Variants in AKAP6 observed in about 807,000 individuals in gnomAD.
AKAP6 encodes A-kinase anchoring protein 6.
AKAP6 carries 58 observed loss-of-function variants against 188.5 expected under a neutral mutation model. The observed-to-expected ratio is 0.31, with a 90% CI of 0.25 to 0.38. The LOEUF (loss-of-function observed/expected upper bound fraction) is 0.38. AKAP6 is among the 10% of genes least tolerant of loss of function. The pLI, the probability that AKAP6 is intolerant of heterozygous loss-of-function variation, is 1.00. For synonymous variants in AKAP6, 989 were observed against 998.6 expected (o/e 0.99, Z 0.18); for missense variants, 2,710 against 2,740.0 (o/e 0.99, Z 0.24).
intron 7 of AKAP6, among the ~76,000 whole-genome samples, chr14:32,614,562 C>G (rs1439703973): frequency 1.3e-5 from 2 of 152,140 alleles, no homozygotes; most frequent in African/African-American, 2.4e-5. Context: ...GGATGTTGCA[C>G]TAATGATACA....
chr14:32,618,249 G>T (rs1886665556), intron 7 of AKAP6, among the ~76,000 whole-genome samples: 1 of 152,128 alleles, frequency 6.6e-6, no homozygotes, highest in Non-Finnish European at 1.5e-5. Flanking sequence ...TTACACGGAT[G>T]AATTGTATAG....
chr14:32,453,082 T>G (rs1308905708), intron 2 of AKAP6, among the ~76,000 whole-genome samples: 1 of 152,202 alleles, frequency 6.6e-6, no homozygotes, highest in Admixed American at 6.5e-5. Context: ...AAGAGAATCC[T>G]AGCTTCAGAA....
At chr14:32,366,042 G>A (rs373347252) in intron 1 of AKAP6, among the ~76,000 whole-genome samples, 5 of 151,764 alleles carry the variant, frequency 3.3e-5, no homozygotes, top group East Asian at 1.9e-4. Context: ...CCCTCTCATC[G>A]TCTCTCCCAC....
chr14:32,378,398 A>C (rs1888228751), intron 1 of AKAP6, among the ~76,000 whole-genome samples: 1 of 152,226 alleles, frequency 6.6e-6, no homozygotes, highest in South Asian at 2.1e-4. Flanking sequence ...CAAAATTTCC[A>C]TCTCCATCCC....
At chr14:32,650,413 T>G (rs1041515159) in intron 7 of AKAP6, among the ~76,000 whole-genome samples, 8 of 151,950 alleles carry the variant, frequency 5.3e-5, no homozygotes, top group Non-Finnish European at 1.2e-4. Flanking sequence ...AGGAGTTCAA[T>G]ACCAGCCTGA....
intron 2 of AKAP6, among the ~76,000 whole-genome samples, chr14:32,529,962 ACTT>A (rs1882324078): frequency 8.4e-6 from 1 of 118,848 alleles, no homozygotes; most frequent in Admixed American, 9.3e-5. Context: ...GGGTAAAGAA[ACTT>A]TTTTTTTTTT....
At chr14:32,604,705 C>A (rs1011879561) in intron 7 of AKAP6, among the ~76,000 whole-genome samples, 2 of 152,118 alleles carry the variant, frequency 1.3e-5, no homozygotes, top group Non-Finnish European at 2.9e-5. Context: ...ATGATAATAT[C>A]TGCCTCAAAG....
intron 2 of AKAP6, among the ~76,000 whole-genome samples, chr14:32,490,706 T>C (rs1272845130): frequency 1.3e-5 from 2 of 152,174 alleles, no homozygotes; most frequent in African/African-American, 4.8e-5. Flanking sequence ...GGCTTATACA[T>C]CTGCAAAGAC....
intron 7 of AKAP6, among the ~76,000 whole-genome samples, chr14:32,652,702 C>T (rs1888281982): frequency 6.6e-6 from 1 of 152,162 alleles, no homozygotes; most frequent in South Asian, 2.1e-4. Context: ...GCTTGCTCAC[C>T]TTTCTCCTGA....
chr14:32,763,697 A>AT (rs1307034643), intron 11 of AKAP6, among the ~76,000 whole-genome samples: 1 of 152,068 alleles, frequency 6.6e-6, no homozygotes, highest in South Asian at 2.1e-4. Context: ...TAATCATGTC[A>AT]TTTTTCAATT....
chr14:32,584,497 G>C (rs1329782399), intron 5 of AKAP6, among the ~76,000 whole-genome samples: 1 of 152,142 alleles, frequency 6.6e-6, no homozygotes, highest in African/African-American at 2.4e-5. Context: ...ATGCATAAAG[G>C]GGACTACTGT....
At chr14:32,468,960 T>G (rs1407274921) in intron 2 of AKAP6, among the ~76,000 whole-genome samples, 1 of 152,198 alleles carries the variant, frequency 6.6e-6, no homozygotes, top group East Asian at 1.9e-4. Flanking sequence ...AATCTCTGCC[T>G]AGTGGAATGT....
chr14:32,786,296 A>ATTTTTTTT, intron 12 of AKAP6, among the ~76,000 whole-genome samples: 2 of 93,706 alleles, frequency 2.1e-5, no homozygotes, highest in African/African-American at 4.1e-5. Flanking sequence ...CTAAACCTTT[A>ATTTTTTTT]TCTTTTTTTT....
At chr14:32,358,749 G>A (rs1555320983) in intron 1 of AKAP6, among the ~76,000 whole-genome samples, 1 of 152,126 alleles carries the variant, frequency 6.6e-6, no homozygotes, top group Non-Finnish European at 1.5e-5. Context: ...GAGGAAAAAC[G>A]ATGAGATGTA....
intron 11 of AKAP6, among the ~76,000 whole-genome samples, chr14:32,737,582 C>G (rs1015445096): frequency 1.3e-5 from 2 of 152,066 alleles, no homozygotes; most frequent in Non-Finnish European, 2.9e-5. Context: ...ACTGAAGAAC[C>G]TTTTTACATA....
At chr14:32,343,717 A>T (rs1208089927) in intron 1 of AKAP6, among the ~76,000 whole-genome samples, 1 of 135,328 alleles carries the variant, frequency 7.4e-6, no homozygotes, top group Non-Finnish European at 1.5e-5. Context: ...CATGCACTCC[A>T]GCCTGAGCAA....
intron 12 of AKAP6, among the ~76,000 whole-genome samples, chr14:32,803,950 C>T (rs906543165): frequency 1.3e-5 from 2 of 152,192 alleles, no homozygotes; most frequent in Non-Finnish European, 2.9e-5. Flanking sequence ...CACTCATTAT[C>T]AGTCCATCTA....
At chr14:32,508,385 C>A (rs1005913184) in intron 2 of AKAP6, among the ~76,000 whole-genome samples, 2 of 152,178 alleles carry the variant, frequency 1.3e-5, no homozygotes, top group Admixed American at 6.5e-5. Flanking sequence ...CAAAAGGAGA[C>A]AGACACTAGA....
At chr14:32,657,753 A>G (rs1888514682) in intron 7 of AKAP6, among the ~76,000 whole-genome samples, 1 of 152,088 alleles carries the variant, frequency 6.6e-6, no homozygotes, top group Admixed American at 6.6e-5. Context: ...TCTTGGGATA[A>G]AAGAATACAA....
Sources: allele counts gnomAD v4.1 joint callset (sites outside exome capture counted in the v4.1 genomes callset), GRCh38; gene constraint gnomAD v4.1.1; transcripts MANE v1.5; gene names NCBI Gene and HGNC (gene_info 2026-07-23, HGNC 2026-07-21).